Variants in PHLPP1 observed in about 807,000 individuals in gnomAD.
The protein encoded by PHLPP1 is PH domain and leucine rich repeat protein phosphatase 1, also known as PH domain leucine-rich repeat-containing protein phosphatase 1.
A neutral mutation model predicts 117.2 loss-of-function variants in PHLPP1; 42 were observed. That is an observed-to-expected ratio of 0.36 (90% CI 0.28 to 0.46). The LOEUF (loss-of-function observed/expected upper bound fraction) is 0.46. PHLPP1 is among the 20% of genes least tolerant of loss of function. The pLI, the probability that PHLPP1 is intolerant of heterozygous loss-of-function variation, is 1.00. For synonymous variants in PHLPP1, 1,042 were observed against 970.7 expected, an observed-to-expected ratio of 1.07 and a Z score of -1.37; for missense variants, 2,084 against 2,241.9, an observed-to-expected ratio of 0.93 and a Z score of 1.42.
rs953908160 is a variant in PHLPP1, at chr18:62,715,604, C to T, written c.-80C>T. 130 of 963,732 alleles carry T rather than the reference C, an allele frequency of 1.3e-4. No individual in the cohort carries two copies. Among genetic ancestry groups the T allele is most frequent in the Middle Eastern group, 3.6e-4 (1 of 2,768 alleles). 59.7% of individuals were successfully genotyped at this position (963,732 alleles called of 1,614,324 possible). A position where few individuals can be genotyped will look rare whatever the true frequency, so the allele number is the denominator to read the frequency against. ...TTCTCCCTTCTCCGCGCGCCGCCGC[C>T]GTCTCCCACCTCCGCCTCATCGCCT... On this transcript the variant is annotated 5_prime_UTR_variant, in exon 1 of 17. Transcript: ENST00000262719.
At chr18:62,817,441 A>G (rs1420374822) in intron 1 of PHLPP1, among the ~76,000 whole-genome samples, 1 of 152,246 alleles carries the variant, frequency 6.6e-6, no homozygotes, top group East Asian at 1.9e-4. Context: ...ACACACATAC[A>G]TACACAAATT....
rs775534349 is a variant in PHLPP1 at position 62,895,018 on chromosome 18, A to G, written c.2074A>G (p.Lys692Glu). 1 of 1,605,914 alleles carries G rather than the reference A, an allele frequency of 6.2e-7. No individual in the cohort carries two copies. Among genetic ancestry groups the G allele is most frequent in the South Asian group, 1.1e-5 (1 of 90,024 alleles). ...RGLNELQRFTKLKSLNLSNNH... is the reference protein window; with the variant it reads ...RGLNELQRFTELKSLNLSNNH... Reference sequence around the variant, plus strand: ...TTTGCTTTATTGTAATAGGTTCACCAAGTTGAAGAGTCTTAACCTTTCCAA... The same window carrying G: ...TTTGCTTTATTGTAATAGGTTCACCGAGTTGAAGAGTCTTAACCTTTCCAA... Residue 692 changes from lysine to glutamate, a missense_variant, in exon 5 of 17, where the codon AAG (lysine) becomes GAG (glutamate). Coordinates refer to ENST00000262719, the MANE Select transcript of PHLPP1 (RefSeq NM_194449.4).
At chr18:62,961,765 G>T (rs1468247196) in intron 13 of PHLPP1, among the ~76,000 whole-genome samples, 3 of 152,088 alleles carry the variant, frequency 2.0e-5, no homozygotes, top group Non-Finnish European at 4.4e-5. Flanking sequence ...GTAAAACAAG[G>T]TATTAACTTG....
intron 1 of PHLPP1, among the ~76,000 whole-genome samples, chr18:62,781,931 A>T (rs954871372): frequency 6.6e-6 from 1 of 152,194 alleles, no homozygotes; most frequent in Non-Finnish European, 1.5e-5. Context: ...GTGACTAATA[A>T]AAGTTTTGTA....
intron 4 of PHLPP1, among the ~76,000 whole-genome samples, chr18:62,878,405 C>T (rs1003343191): frequency 2.6e-5 from 4 of 152,222 alleles, no homozygotes; most frequent in African/African-American, 7.2e-5. Flanking sequence ...CAAATAAACA[C>T]ATCTAATTCT....
At chr18:62,865,658 GA>G (rs1316905534) in intron 4 of PHLPP1, among the ~76,000 whole-genome samples, 6 of 152,182 alleles carry the variant, frequency 3.9e-5, no homozygotes, top group Non-Finnish European at 5.9e-5. Context: ...TGATAGGCTG[GA>G]TAAAGAAATG....
intron 2 of PHLPP1, 85 bp from the exon 3 acceptor site, chr18:62,838,699 T>C (rs1353262107): frequency 5.2e-6 from 7 of 1,345,722 alleles, no homozygotes; most frequent in African/African-American, 1.5e-5. Flanking sequence ...CCATGCAGGC[T>C]CCTTGATCAG....
intron 4 of PHLPP1, among the ~76,000 whole-genome samples, chr18:62,862,368 A>G (rs1915654604): frequency 6.6e-6 from 1 of 152,176 alleles, no homozygotes; most frequent in Non-Finnish European, 1.5e-5. Context: ...GGTGTGAACC[A>G]CTGCGCCCAG....
chr18:62,716,573 C>T lies in PHLPP1; in HGVS notation c.890C>T (p.Ala297Val). Reference protein sequence around the residue: ...APGAFGGPPRAPPADLPLPVG... With the variant: ...APGAFGGPPRVPPADLPLPVG... ...GGTGCCTTCGGGGGGCCTCCGCGCG[C>T]GCCCCCCGCCGACCTACCCCTGCCC... The change falls in exon 1 of 17, where the codon GCG becomes GTG. Residue 297 changes from alanine (A) to valine (V), a missense_variant. Ala to Val is a moderately conservative substitution (Grantham distance 64). Coordinates refer to ENST00000262719, the MANE Select transcript of PHLPP1 (RefSeq NM_194449.4). This position sits in a 1 kb window ranked among gnomAD's most constrained non-coding sequence, Gnocchi z 5.7. 3 of 1,205,690 alleles carry T rather than the reference C, an allele frequency of 2.5e-6. No homozygotes were observed. The highest frequency in any genetic ancestry group is 8.2e-5 in the South Asian group (2 of 24,254). 74.7% of individuals were successfully genotyped at this position (1,205,690 alleles called of 1,614,324 possible). A position where few individuals can be genotyped will look rare whatever the true frequency, so the allele number is the denominator to read the frequency against.
intron 1 of PHLPP1, among the ~76,000 whole-genome samples, chr18:62,720,243 T>G (rs1258784995): frequency 6.6e-6 from 1 of 152,180 alleles, no homozygotes; most frequent in Non-Finnish European, 1.5e-5. Context: ...TGAGCTTTTG[T>G]TTTAGACTCT....
chr18:62,727,484 G>A (rs1433989114), intron 1 of PHLPP1, among the ~76,000 whole-genome samples: 1 of 151,826 alleles, frequency 6.6e-6, no homozygotes, highest in Non-Finnish European at 1.5e-5. Context: ...GGGCATGGTA[G>A]CATGCTTGTA....
intron 3 of PHLPP1, among the ~76,000 whole-genome samples, chr18:62,841,944 C>T (rs1318224015): frequency 6.6e-6 from 1 of 152,124 alleles, no homozygotes; most frequent in African/African-American, 2.4e-5. Flanking sequence ...CAAAGTAAGG[C>T]AGGCATGGAT....
At chr18:62,929,312 A>G (rs1909737857) in intron 10 of PHLPP1, among the ~76,000 whole-genome samples, 1 of 152,216 alleles carries the variant, frequency 6.6e-6, no homozygotes, top group Non-Finnish European at 1.5e-5. Flanking sequence ...CTCTTAAGAA[A>G]GTATATAATC....
At chr18:62,776,347 C>G (rs1206577217) in intron 1 of PHLPP1, among the ~76,000 whole-genome samples, 2 of 152,174 alleles carry the variant, frequency 1.3e-5, no homozygotes, top group African/African-American at 4.8e-5. Flanking sequence ...TCTGGGAAAT[C>G]TGTTTTTTGT....
intron 12 of PHLPP1, among the ~76,000 whole-genome samples, chr18:62,947,357 C>T (rs1349598173): frequency 6.6e-6 from 1 of 152,206 alleles, no homozygotes; most frequent in Non-Finnish European, 1.5e-5. Context: ...CAATGTGGTT[C>T]ATATGTGATG....
At chr18:62,771,185 G>T (rs944264477) in intron 1 of PHLPP1, among the ~76,000 whole-genome samples, 5 of 146,996 alleles carry the variant, frequency 3.4e-5, no homozygotes, top group African/African-American at 1.3e-4. Context: ...TTGCCCTCCA[G>T]CCTGGGCGAC....
intron 1 of PHLPP1, among the ~76,000 whole-genome samples, chr18:62,822,286 G>GTTT (rs1017764937): frequency 1.5e-5 from 2 of 133,168 alleles, no homozygotes; most frequent in Non-Finnish European, 3.2e-5. Context: ...TTTTGTTTTT[G>GTTT]TTTTTTTTTT....
intron 10 of PHLPP1, among the ~76,000 whole-genome samples, chr18:62,937,332 CTT>C (rs1275275274): frequency 1.3e-5 from 2 of 152,232 alleles, no homozygotes; most frequent in African/African-American, 2.4e-5. Context: ...TTCTCTGAGA[CTT>C]TTGAACTCTA....
chr18:62,919,088 TATTA>T (rs1042904908), intron 9 of PHLPP1, among the ~76,000 whole-genome samples: 3 of 152,222 alleles, frequency 2.0e-5, no homozygotes, highest in Admixed American at 1.3e-4. Flanking sequence ...TAAATTAATT[TATTA>T]ATTAGGCAGA....
Sources: allele counts gnomAD v4.1 joint callset (sites outside exome capture counted in the v4.1 genomes callset), GRCh38; gene constraint gnomAD v4.1.1; non-coding constraint Gnocchi (gnomAD v3.1); transcripts MANE v1.5; gene names NCBI Gene and HGNC (gene_info 2026-07-23, HGNC 2026-07-21).